LRCH3: variants seen among roughly 807,000 people sequenced by gnomAD.
The protein encoded by LRCH3 is DISP complex protein LRCH3.
LRCH3 carries 68 observed loss-of-function variants against 104.5 expected under a neutral mutation model. The observed-to-expected ratio is 0.65, with a 90% CI of 0.54 to 0.80. The LOEUF is 0.80. Among genes scored for constraint, LRCH3 ranks in the 30% least tolerant of loss-of-function variants. The pLI, the probability that LRCH3 is intolerant of heterozygous loss-of-function variation, is 0.00. For synonymous variants in LRCH3, 344 were observed against 361.3 expected (o/e 0.95, Z 0.54); for missense variants, 951 against 953.9 (o/e 1.00, Z 0.04).
At position 197,820,367 on chromosome 3, in the gene LRCH3, G is replaced by C. The variant is rs1482943763; in HGVS notation, c.577G>C (p.Gly193Arg). The change falls in exon 4 of 21, where the codon GGT (glycine) becomes CGT (arginine). Residue 193 changes from glycine (G) to arginine (R), a missense_variant. Physicochemically the swap from Gly to Arg is moderately radical, Grantham distance 125. Coordinates refer to ENST00000425562, the MANE Select transcript of LRCH3 (RefSeq NM_001365715.1). ...AATTCAAACTATACCTTCCCAAATT[G>C]GTAACCTGGAGGCCTTGAGAGACCT... Reference protein sequence around the residue: ...NEIQTIPSQIGNLEALRDLNV... With the variant: ...NEIQTIPSQIRNLEALRDLNV... 1.2e-6 allele frequency: 2 copies of C among 1,613,210 alleles called. No homozygotes were observed. The highest frequency in any genetic ancestry group is 1.7e-6 in the Non-Finnish European group (2 of 1,179,272).
chr3:197,880,084 T>C (rs887990418), intron 20 of LRCH3, among the ~76,000 whole-genome samples: 9 of 151,182 alleles, frequency 6.0e-5, no homozygotes, highest in East Asian at 1.9e-4. Flanking sequence ...TAGCTGGGAC[T>C]ACAGGCGCCC....
At chr3:197,850,269 A>G (rs1444347663) in intron 12 of LRCH3, 2 of 587,416 alleles carry the variant, frequency 3.4e-6, no homozygotes, top group Admixed American at 3.2e-5. Flanking sequence ...TTGAATGCTT[A>G]TTATGTAGTA....
At chr3:197,871,169 T>C (rs999008090) in intron 18 of LRCH3, among the ~76,000 whole-genome samples, 156 bp from the exon 19 acceptor site, 5 of 152,216 alleles carry the variant, frequency 3.3e-5, no homozygotes, top group Admixed American at 3.3e-4. Context: ...ATATTAGATC[T>C]CCTTAAGTTA....
intron 4 of LRCH3, among the ~76,000 whole-genome samples, chr3:197,826,155 G>A (rs1169644511): frequency 1.3e-5 from 2 of 152,122 alleles, no homozygotes; most frequent in Non-Finnish European, 2.9e-5. Context: ...TTGTATAATG[G>A]TAATTAAACA....
intron 17 of LRCH3, among the ~76,000 whole-genome samples, chr3:197,868,373 T>C (rs573518841): frequency 1.3e-5 from 2 of 152,352 alleles, no homozygotes; most frequent in East Asian, 3.9e-4. Context: ...ATGCATAGTT[T>C]GTATGCAAAT....
At position 197,822,884 on chromosome 3, in the gene LRCH3, A is replaced by C. The variant is rs1441474267; in HGVS notation, c.640+2454A>C. On this transcript the variant is annotated intron_variant, in intron 4 of 20. Transcript: ENST00000425562. ...GAGTGCAGTGGTGCGATCTCAGCTT[A>C]CTGCAAGCTTCACCTCCTGGGTTCA... 8.0e-5 allele frequency: 12 copies of C among 150,054 alleles called. No individual in the cohort carries two copies. The Admixed American group carries it at 8.0e-4, about 10-fold the overall frequency. The allele number at this position is 150,054 out of a possible 1,614,324, so 9.3% of individuals were successfully genotyped here. A position where few individuals can be genotyped will look rare whatever the true frequency, so the allele number is the denominator to read the frequency against.
chr3:197,879,685 A>T (rs1369521022), intron 20 of LRCH3, among the ~76,000 whole-genome samples: 3 of 152,238 alleles, frequency 2.0e-5, no homozygotes, highest in Admixed American at 6.5e-5. Flanking sequence ...ATGCCAAGTC[A>T]TTGAATGCAT....
In LRCH3 at chr3:197,864,215, A is replaced by C. The variant is rs1741195428; in HGVS notation, c.1717-1208A>C. ...CAGCTACTCGGGAGGCTGAGGCAGG[A>C]GAATCACTTGAACCCGAAAGGCAGA... On this transcript the variant is annotated intron_variant, in intron 15 of 20. Coordinates refer to ENST00000425562, the MANE Select transcript of LRCH3 (RefSeq NM_001365715.1). Among the ~76,000 whole-genome samples, 5 of 152,290 alleles carry C rather than the reference A, an allele frequency of 3.3e-5. No homozygotes were observed. The South Asian group carries it at 1.0e-3, about 32-fold the overall frequency.
chr3:197,792,595 ATATATATAT>A lies in LRCH3; in HGVS notation c.262+1056_262+1064del. On this transcript the variant is annotated intron_variant, in intron 1 of 20. Coordinates refer to ENST00000425562, the MANE Select transcript of LRCH3 (RefSeq NM_001365715.1). The stretch of plus-strand genomic sequence containing the variant: ...GCTAATTTTATATATATATATATAT[ATATATATAT>A]AAAATATACATATATATATAATATA... 4.7e-5 allele frequency among the ~76,000 whole-genome samples: 4 copies of A among 84,582 alleles called. 1 individual carries two copies. Among genetic ancestry groups the A allele is most frequent in the Non-Finnish European group, 9.9e-5 (4 of 40,522 alleles). The allele number at this position is 84,582 out of a possible 152,430, so 55.5% of individuals were successfully genotyped here. A position where few individuals can be genotyped will look rare whatever the true frequency, so the allele number is the denominator to read the frequency against.
rs144275631 is a variant in LRCH3, at chr3:197,839,379, G to A, written c.1310G>A (p.Arg437Lys). The A allele has an allele frequency of 7.9e-5, 125 of 1,591,648 alleles. No homozygotes were observed. Among genetic ancestry groups the A allele is most frequent in the Non-Finnish European group, 9.8e-5 (115 of 1,171,612 alleles). Residue 437 changes from arginine (R) to lysine (K), a missense_variant, in exon 10 of 21, where the codon AGA becomes AAA. Arg to Lys is a conservative substitution (Grantham distance 26). Transcript: ENST00000425562. ...REFQKTEDMR[R>K]YLHQNRVPAE... ...TTTCAAAAAACAGAAGATATGAGAA[G>A]ATATTTACATCAAAACAGGTTTGAA...
At position 197,887,766 on chromosome 3, in the gene LRCH3, CACTG is replaced by C; in HGVS notation, c.*4103_*4106del. On this transcript the variant is annotated 3_prime_UTR_variant, in exon 21 of 21. Coordinates refer to ENST00000425562, the MANE Select transcript of LRCH3 (RefSeq NM_001365715.1). Reference sequence around the variant, plus strand: ...AGCCCCCCAGCAGAGCCCTTCCCATCACTGACAGTGTCTGGGGCTGAGAGCCCCC... The same window carrying C: ...AGCCCCCCAGCAGAGCCCTTCCCATCACAGTGTCTGGGGCTGAGAGCCCCC... 1.4e-5 allele frequency: 2 copies of C among 148,108 alleles called. No homozygotes were observed. 9.2% of individuals were successfully genotyped at this position (148,108 alleles called of 1,614,324 possible). A position where few individuals can be genotyped will look rare whatever the true frequency, so the allele number is the denominator to read the frequency against.
At chr3:197,881,128 T>C (rs1386336410) in intron 20 of LRCH3, 2 of 1,027,294 alleles carry the variant, frequency 1.9e-6, no homozygotes, top group Non-Finnish European at 2.3e-6. Context: ...AATTGTGGAG[T>C]GACTGAACCT....
intron 9 of LRCH3, among the ~76,000 whole-genome samples, chr3:197,838,028 C>G (rs1048759599): frequency 2.0e-5 from 3 of 151,954 alleles, no homozygotes; most frequent in African/African-American, 7.2e-5. Flanking sequence ...CTACTGCACT[C>G]CAGCCTAGGT....
chr3:197,851,918 G>T (rs1424131206), intron 12 of LRCH3, among the ~76,000 whole-genome samples: 1 of 152,144 alleles, frequency 6.6e-6, no homozygotes, highest in African/African-American at 2.4e-5. Context: ...CGGAAGGCAG[G>T]CCCAAACCAG....
chr3:197,882,475 T>G (rs1389982055), intron 20 of LRCH3: 2 of 953,666 alleles, frequency 2.1e-6, no homozygotes, highest in Non-Finnish European at 2.5e-6. Flanking sequence ...TTATTGTAAC[T>G]GGTTTTATAA....
chr3:197,886,980 A>G lies in LRCH3; in HGVS notation c.*3314A>G, dbSNP rs925811981. On this transcript the variant is annotated 3_prime_UTR_variant, in exon 21 of 21. Coordinates refer to ENST00000425562, the MANE Select transcript of LRCH3 (RefSeq NM_001365715.1). ...ACATATTATGAAACCTTATTAATGT[A>G]TTTTTATCAAACTAAATCAGATTTG... 2.0e-5 allele frequency: 3 copies of G among 152,194 alleles called. No homozygotes were observed. The highest frequency in any genetic ancestry group is 2.9e-5 in the Non-Finnish European group (2 of 68,034). The allele number at this position is 152,194 out of a possible 1,614,324, so 9.4% of individuals were successfully genotyped here.
rs58237989 is a variant in LRCH3, at chr3:197,825,464, A to ATTTTTTTTTTTTTTTTTTTTTTTTTTTT, written c.641-1408_641-1381dup. 1.0e-4 allele frequency among the ~76,000 whole-genome samples: 2 copies of ATTTTTTTTTTTTTTTTTTTTTTTTTTTT among 20,068 alleles called. 1 individual carries two copies. Among genetic ancestry groups the ATTTTTTTTTTTTTTTTTTTTTTTTTTTT allele is most frequent in the African/African-American group, 3.7e-4 (2 of 5,430 alleles). 13.2% of individuals were successfully genotyped at this position (20,068 alleles called of 152,430 possible). On this transcript the variant is annotated intron_variant, in intron 4 of 20. Coordinates refer to ENST00000425562, the MANE Select transcript of LRCH3 (RefSeq NM_001365715.1). Reference sequence around the variant, plus strand: ...TAGACCTCTTTGTTGATCCTCTTTGATTTTTTTTTTTTTTTTTTTTTTTTT... The same window carrying ATTTTTTTTTTTTTTTTTTTTTTTTTTTT: ...TAGACCTCTTTGTTGATCCTCTTTGATTTTTTTTTTTTTTTTTTTTTTTTTTTTTTTTTTTTTTTTTTTTTTTTTTTTT...
intron 4 of LRCH3, among the ~76,000 whole-genome samples, chr3:197,824,641 A>T (rs1240720043): frequency 6.8e-6 from 1 of 146,132 alleles, no homozygotes; most frequent in African/African-American, 2.6e-5. Flanking sequence ...ATCTCGGCTC[A>T]CGGTAACCTC....
chr3:197,840,211 G>A (rs950578106), intron 10 of LRCH3, among the ~76,000 whole-genome samples: 7 of 152,128 alleles, frequency 4.6e-5, no homozygotes, highest in Non-Finnish European at 1.0e-4. Context: ...GCTGAGGCAG[G>A]TGGATCATTT....
Sources: gnomAD v4.1 joint callset for allele counts (sites outside exome capture counted in the v4.1 genomes callset) on GRCh38, gnomAD v4.1.1 for gene constraint, MANE v1.5 for transcripts, NCBI Gene and HGNC (gene_info 2026-07-23, HGNC 2026-07-21) for gene names.